Variants in MKLN1 observed in about 807,000 individuals in gnomAD.
MKLN1 encodes the protein muskelin.
MKLN1 carries 18 observed loss-of-function variants against 99.0 expected under a neutral mutation model. That is an observed-to-expected ratio of 0.18 (90% CI 0.13 to 0.27). The LOEUF (loss-of-function observed/expected upper bound fraction) is 0.27. MKLN1 is among the 10% of genes least tolerant of loss of function. The pLI is 1.00. For synonymous variants in MKLN1, 288 were observed against 293.2 expected, an observed-to-expected ratio of 0.98 and a Z score of 0.18; for missense variants, 621 against 875.9, an observed-to-expected ratio of 0.71 and a Z score of 3.67.
chr7:131,167,188 GT>G (rs1294118399), intron 2 of MKLN1, among the ~76,000 whole-genome samples: 2 of 152,088 alleles, frequency 1.3e-5, no homozygotes, highest in East Asian at 3.9e-4. Context: ...ATGATCCACT[GT>G]TTTCAAGGGT....
chr7:131,226,087 T>G (rs1174372775), intron 3 of MKLN1, among the ~76,000 whole-genome samples: 1 of 143,390 alleles, frequency 7.0e-6, no homozygotes, highest in Non-Finnish European at 1.5e-5. Context: ...GCTGCCTAGG[T>G]GACACCTTTT....
intron 1 of MKLN1, among the ~76,000 whole-genome samples, chr7:131,356,107 G>A (rs1438231511): frequency 6.8e-6 from 1 of 147,290 alleles, no homozygotes; most frequent in Non-Finnish European, 1.5e-5. Context: ...AAGGAAAGGA[G>A]CAAAGTACAA....
intron 5 of MKLN1, 97 bp downstream of exon 5, chr7:131,397,473 A>G (rs1338127081): frequency 2.1e-5 from 14 of 666,016 alleles, no homozygotes; most frequent in Middle Eastern, 3.1e-4. Flanking sequence ...TATTCAAAAT[A>G]ATAATAACAA....
intron 1 of MKLN1, among the ~76,000 whole-genome samples, chr7:131,112,260 T>A (rs1331543601): frequency 6.6e-6 from 1 of 152,232 alleles, no homozygotes; most frequent in African/African-American, 2.4e-5. Context: ...ACTAAAGGAT[T>A]TCTAAGGTTC....
chr7:131,272,686 C>G (rs759785433), intron 3 of MKLN1, among the ~76,000 whole-genome samples: 16 of 152,164 alleles, frequency 1.1e-4, no homozygotes, highest in Non-Finnish European at 1.5e-4. Flanking sequence ...GCCTCAGAAT[C>G]ATGGTGGGAG....
intron 3 of MKLN1, among the ~76,000 whole-genome samples, chr7:131,283,042 C>T (rs1379084610): frequency 6.6e-6 from 1 of 152,202 alleles, no homozygotes; most frequent in East Asian, 1.9e-4. Context: ...TGTGCAACAG[C>T]TCCTCCGTTC....
At chr7:131,224,942 AGG>A (rs1211023368) in intron 3 of MKLN1, among the ~76,000 whole-genome samples, 3 of 151,884 alleles carry the variant, frequency 2.0e-5, no homozygotes, top group Non-Finnish European at 4.4e-5. Flanking sequence ...GCATGGTGGC[AGG>A]CACCTGTAGT....
At chr7:131,373,157 A>G (rs1259874351) in intron 1 of MKLN1, among the ~76,000 whole-genome samples, 1 of 152,070 alleles carries the variant, frequency 6.6e-6, no homozygotes, top group Non-Finnish European at 1.5e-5. Flanking sequence ...CCTATCAGCA[A>G]AATATAAGAG....
At chr7:131,256,311 CTT>C (rs1797657410) in intron 3 of MKLN1, among the ~76,000 whole-genome samples, 1 of 152,214 alleles carries the variant, frequency 6.6e-6, no homozygotes, top group South Asian at 2.1e-4. Flanking sequence ...AGATTACTGA[CTT>C]TGCAAGAAAC....
At chr7:131,347,427 A>G (rs1799596183) in intron 1 of MKLN1, among the ~76,000 whole-genome samples, 1 of 152,224 alleles carries the variant, frequency 6.6e-6, no homozygotes, top group African/African-American at 2.4e-5. Flanking sequence ...ATGAAGAGCT[A>G]GAGAAGCTGT....
intron 3 of MKLN1, among the ~76,000 whole-genome samples, chr7:131,299,194 G>C (rs1041200306): frequency 6.6e-6 from 1 of 152,144 alleles, no homozygotes; most frequent in African/African-American, 2.4e-5. Context: ...TTATTGCAAT[G>C]CCTCCTCTCT....
At chr7:131,327,739 T>C, upstream of MKLN1, 2 of 1,291,566 alleles carry the variant, frequency 1.5e-6, no homozygotes, top group East Asian at 2.7e-5. Context: ...TGGGAAACCC[T>C]GAGATAGGAC....
At chr7:131,346,380 G>GGC (rs1164123054) in intron 1 of MKLN1, among the ~76,000 whole-genome samples, 4 of 152,028 alleles carry the variant, frequency 2.6e-5, no homozygotes, top group African/African-American at 4.8e-5. Context: ...AAGTTAGCTG[G>GGC]GCGTGATGGT....
chr7:131,287,733 C>G (rs1437483405), intron 3 of MKLN1, among the ~76,000 whole-genome samples: 1 of 152,098 alleles, frequency 6.6e-6, no homozygotes, highest in Non-Finnish European at 1.5e-5. Flanking sequence ...CCACCCAAAT[C>G]TCATCTTGAA....
intron 3 of MKLN1, among the ~76,000 whole-genome samples, chr7:131,287,454 G>A (rs1175174196): frequency 6.6e-6 from 1 of 152,170 alleles, no homozygotes; most frequent in Non-Finnish European, 1.5e-5. Flanking sequence ...CTCCTCTGAG[G>A]TCACATTGCC....
At position 131,450,712 on chromosome 7, in the gene MKLN1, A is replaced by C. The variant is rs1351792283; in HGVS notation, c.1525+4809A>C. ...GAATCACTTTCCTCTCCCCTCCAAA[A>C]TCTAGCTAACTTGTACTGCTTACCT... is the stretch of plus-strand genomic sequence containing the variant. On this transcript the variant is annotated intron_variant, in intron 12 of 17. Transcript: ENST00000352689. Among the ~76,000 whole-genome samples the C allele has an allele frequency of 2.0e-5, 3 of 152,216 alleles. No homozygotes were observed. The South Asian group carries it at 6.2e-4, about 32-fold the overall frequency.
intron 2 of MKLN1, among the ~76,000 whole-genome samples, chr7:131,185,604 A>G (rs1320304416): frequency 6.6e-6 from 1 of 151,888 alleles, no homozygotes; most frequent in Non-Finnish European, 1.5e-5. Context: ...TAAAAAAATT[A>G]CTTTCCCAGG....
At chr7:131,366,539 G>A (rs1226211479) in intron 1 of MKLN1, among the ~76,000 whole-genome samples, 1 of 152,112 alleles carries the variant, frequency 6.6e-6, no homozygotes, top group African/African-American at 2.4e-5. Context: ...GGCTGGGTGT[G>A]GTGGCTCATG....
At chr7:131,455,874 C>T (rs1354482514) in intron 12 of MKLN1, among the ~76,000 whole-genome samples, 1 of 151,990 alleles carries the variant, frequency 6.6e-6, no homozygotes, top group Non-Finnish European at 1.5e-5. Context: ...AGTGAAACCC[C>T]GGCTGTACTA....
Sources: gnomAD v4.1 joint callset for allele counts (sites outside exome capture counted in the v4.1 genomes callset) on GRCh38, gnomAD v4.1.1 for gene constraint, MANE v1.5 for transcripts, NCBI Gene and HGNC (gene_info 2026-07-23, HGNC 2026-07-21) for gene names.